The following CTNNA2 variants were observed in gnomAD, a reference collection of about 807,000 sequenced individuals.
CTNNA2 encodes the protein catenin alpha-2.
CTNNA2 carries 42 observed loss-of-function variants against 101.0 expected under a neutral mutation model. The observed-to-expected ratio is 0.42, with a 90% CI of 0.32 to 0.54. CTNNA2 has a LOEUF of 0.54. CTNNA2 is among the 20% of genes least tolerant of loss of function. CTNNA2 has a pLI of 0.14. For synonymous variants in CTNNA2, 450 were observed against 456.4 expected (o/e 0.99, Z 0.18); for missense variants, 871 against 1,223.1 (o/e 0.71, Z 4.29).
intron 1 of CTNNA2, chr2:79,195,765 A>G: frequency 1.2e-5 from 6 of 494,324 alleles, no homozygotes; most frequent in South Asian, 8.9e-5. Flanking sequence ...AAAAAGGAGC[A>G]AGTTTTATCA....
intron 2 of CTNNA2, among the ~76,000 whole-genome samples, chr2:79,682,969 T>A (rs1001826168): frequency 6.6e-6 from 1 of 152,238 alleles, no homozygotes; most frequent in African/African-American, 2.4e-5. Flanking sequence ...AGGAATAGTA[T>A]AAATGGCATT....
chr2:80,065,878 C>G (rs1697952839), intron 7 of CTNNA2, among the ~76,000 whole-genome samples: 1 of 152,218 alleles, frequency 6.6e-6, no homozygotes, highest in South Asian at 2.1e-4. Flanking sequence ...AGAATGTACA[C>G]TCAGAGAAGT....
At chr2:79,294,513 C>A (rs968858798) in intron 2 of CTNNA2, among the ~76,000 whole-genome samples, 1 of 152,046 alleles carries the variant, frequency 6.6e-6, no homozygotes, top group African/African-American at 2.4e-5. Context: ...AGAAACATAG[C>A]AAGTATTCAA....
chr2:80,035,842 T>C (rs1191637890), intron 7 of CTNNA2, among the ~76,000 whole-genome samples: 1 of 152,182 alleles, frequency 6.6e-6, no homozygotes, highest in Non-Finnish European at 1.5e-5. Flanking sequence ...CAATCAATTT[T>C]CCATCTTTCA....
At chr2:80,027,503 A>G (rs1695005697) in intron 7 of CTNNA2, among the ~76,000 whole-genome samples, 1 of 152,172 alleles carries the variant, frequency 6.6e-6, no homozygotes, top group African/African-American at 2.4e-5. Context: ...TGGAGAATGG[A>G]CTATGTTGGG....
At chr2:80,149,345 G>A (rs1703550752) in intron 7 of CTNNA2, among the ~76,000 whole-genome samples, 1 of 152,100 alleles carries the variant, frequency 6.6e-6, no homozygotes, top group South Asian at 2.1e-4. Context: ...ATCCTGTTAT[G>A]AGAAGTCTGT....
chr2:80,647,910 TCTTTC>T lies in CTNNA2; in HGVS notation c.*39_*43del. ...TAACAAGAAAGCTTTTTCTTTCTTT[TCTTTC>T]TTTCTTTTTCTTTTTAATTCCATTT... On this transcript the variant is annotated 3_prime_UTR_variant, in exon 19 of 19. Coordinates refer to ENST00000402739, the MANE Select transcript of CTNNA2 (RefSeq NM_001282597.3). The T allele has an allele frequency of 7.2e-6, 11 of 1,522,122 alleles. No homozygotes were observed. The highest frequency in any genetic ancestry group is 9.7e-6 in the Non-Finnish European group (11 of 1,135,562). 94.3% of individuals were successfully genotyped at this position (1,522,122 alleles called of 1,614,324 possible). A position where few individuals can be genotyped will look rare whatever the true frequency, so the allele number is the denominator to read the frequency against.
intron 7 of CTNNA2, among the ~76,000 whole-genome samples, chr2:80,175,838 T>C (rs1006697596): frequency 1.3e-5 from 2 of 152,150 alleles, no homozygotes; most frequent in African/African-American, 2.4e-5. Context: ...TAGTTGTAGG[T>C]CTAATAGTTC....
At chr2:80,353,343 A>C (rs1284600306) in intron 7 of CTNNA2, among the ~76,000 whole-genome samples, 1 of 152,128 alleles carries the variant, frequency 6.6e-6, no homozygotes, top group Non-Finnish European at 1.5e-5. Context: ...TTCTGACTTA[A>C]AGGAGTTATG....
chr2:79,906,971 T>C (rs1233416985), intron 6 of CTNNA2, among the ~76,000 whole-genome samples: 1 of 152,190 alleles, frequency 6.6e-6, no homozygotes, highest in Non-Finnish European at 1.5e-5. Flanking sequence ...ATTTAGGAAA[T>C]AGTATTCTAA....
intron 11 of CTNNA2, among the ~76,000 whole-genome samples, chr2:80,548,564 G>A (rs1211843992): frequency 2.0e-5 from 3 of 152,106 alleles, no homozygotes; most frequent in Non-Finnish European, 4.4e-5. Flanking sequence ...TGCTTCTGCT[G>A]ATAACACTGT....
At chr2:79,988,945 C>T (rs1408644098) in intron 7 of CTNNA2, among the ~76,000 whole-genome samples, 1 of 152,112 alleles carries the variant, frequency 6.6e-6, no homozygotes, top group Non-Finnish European at 1.5e-5. Context: ...TACTGTATAG[C>T]TTTTGTTCAG....
At chr2:80,601,173 C>A (rs1031644525) in intron 15 of CTNNA2, among the ~76,000 whole-genome samples, 2 of 152,090 alleles carry the variant, frequency 1.3e-5, no homozygotes, top group Non-Finnish European at 2.9e-5. Flanking sequence ...GCACTCATGT[C>A]AATTCTGTCA....
At chr2:80,334,828 G>A (rs1671633809) in intron 7 of CTNNA2, among the ~76,000 whole-genome samples, 1 of 152,202 alleles carries the variant, frequency 6.6e-6, no homozygotes, top group East Asian at 1.9e-4. Context: ...CCAGGACCGA[G>A]GGAGTTGCAG....
At chr2:79,675,391 G>T (rs1683116073) in intron 2 of CTNNA2, among the ~76,000 whole-genome samples, 1 of 152,224 alleles carries the variant, frequency 6.6e-6, no homozygotes, top group East Asian at 1.9e-4. Flanking sequence ...GGTAGAGAAG[G>T]CATTTAGGTA....
At chr2:79,332,125 A>G (rs1186891212) in intron 3 of CTNNA2, among the ~76,000 whole-genome samples, 1 of 152,174 alleles carries the variant, frequency 6.6e-6, no homozygotes, top group African/African-American at 2.4e-5. Context: ...GCTGCCTACA[A>G]TAGCCCTCCT....
chr2:80,009,761 A>T (rs1693640799), intron 7 of CTNNA2, among the ~76,000 whole-genome samples: 1 of 76,966 alleles, frequency 1.3e-5, no homozygotes. Flanking sequence ...TCAGAGAGAG[A>T]GACAGAGAGA....
chr2:80,555,766 G>C lies in CTNNA2; in HGVS notation c.1614G>C (p.Arg538=), dbSNP rs374667703. Residue 538 remains arginine (R), a synonymous_variant, in exon 12 of 19, where the codon CGG becomes CGC. Transcript: ENST00000402739. ...AGGGCGATGTGGACACTCTGGACCGGACTGCAGGGGCCATCAGGGGCCGGG... is the reference window on the plus strand; with the variant it reads ...AGGGCGATGTGGACACTCTGGACCGCACTGCAGGGGCCATCAGGGGCCGGG... ...LQEGDVDTLD[R]TAGAIRGRAA... 5 of 1,598,452 alleles carry C rather than the reference G, an allele frequency of 3.1e-6. No homozygotes were observed. In the South Asian group the frequency reaches 4.6e-5, roughly 15 times the overall value.
intron 7 of CTNNA2, among the ~76,000 whole-genome samples, chr2:80,188,092 G>A (rs145100019): frequency 9.9e-4 from 150 of 152,252 alleles, no homozygotes; most frequent in African/African-American, 3.5e-3. Context: ...TCCATTACTG[G>A]CTGCTCTTTG....
Sources: allele counts gnomAD v4.1 joint callset (sites outside exome capture counted in the v4.1 genomes callset), GRCh38; gene constraint gnomAD v4.1.1; transcripts MANE v1.5; gene names NCBI Gene and HGNC (gene_info 2026-07-23, HGNC 2026-07-21).